The following HERC5 variants were observed in gnomAD, a reference collection of about 807,000 sequenced individuals.
The protein encoded by HERC5 is E3 ISG15--protein ligase HERC5.
HERC5 carries 99 observed loss-of-function variants against 119.6 expected under a neutral mutation model. The observed-to-expected ratio is 0.83, with a 90% CI of 0.70 to 0.98. The LOEUF (loss-of-function observed/expected upper bound fraction) is 0.98, where lower values mean the gene tolerates loss of function less well. Ranked by LOEUF, HERC5 falls within the 50% of genes least tolerant of loss-of-function variation. The probability of loss-of-function intolerance (pLI) is 0.00; values close to 1 mark genes in which losing one functional copy is unlikely to be tolerated. For synonymous variants in HERC5, 478 were observed against 445.9 expected, an observed-to-expected ratio of 1.07 and a Z score of -0.91; for missense variants, 1,267 against 1,241.3, an observed-to-expected ratio of 1.02 and a Z score of -0.31.
intron 8 of HERC5, 30 bp from the exon 9 acceptor site, chr4:88,469,127 A>G (rs767566742): frequency 2.0e-6 from 3 of 1,481,626 alleles, no homozygotes; most frequent in Non-Finnish European, 9.4e-7. Flanking sequence ...TGTCTAAATT[A>G]TTGTATTTTA....
rs201276494 is a variant in HERC5, at chr4:88,475,961, T to A, written c.1513T>A (p.Trp505Arg). ...TCCTATGATGCATATTTCCAACAAC[T>A]GGGAGAGCCTTGTGGTTCCATTTGC... is the stretch of plus-strand genomic sequence containing the variant. ...ECPMMHISNN[W>R]ESLVVPFAKV... Residue 505 changes from tryptophan to arginine, a missense_variant, in exon 12 of 23, where the codon TGG becomes AGG. Physicochemically the swap from Trp to Arg is moderately radical, Grantham distance 101 (BLOSUM62 -3). Around this residue, in one of 3 missense-constraint regions of HERC5, gnomAD observed 777 missense variants for 758.0 expected, o/e 1.03. Transcript: ENST00000264350. 7 of 1,614,060 alleles carry A rather than the reference T, an allele frequency of 4.3e-6. No homozygotes were observed. In the East Asian group the frequency reaches 6.7e-5, roughly 15 times the overall value.
chr4:88,458,856 C>T (rs547907001), intron 1 of HERC5, among the ~76,000 whole-genome samples: 2 of 152,302 alleles, frequency 1.3e-5, no homozygotes, highest in South Asian at 2.1e-4. Context: ...GTCCCCCAAA[C>T]ATAATCCTTC....
At chr4:88,491,107 CTG>C (rs540914237) in intron 16 of HERC5, among the ~76,000 whole-genome samples, 77 of 152,168 alleles carry the variant, frequency 5.1e-4, no homozygotes, top group African/African-American at 1.8e-3. Flanking sequence ...TGTGGGAAAA[CTG>C]AGGTTTTATG....
intron 3 of HERC5, among the ~76,000 whole-genome samples, chr4:88,460,388 T>G (rs1740384574): frequency 6.6e-6 from 1 of 152,224 alleles, no homozygotes; most frequent in South Asian, 2.1e-4. Context: ...AAATTTGGTT[T>G]CATGTTTTTA....
Position 88,468,536 on chromosome 4 carries a change from G to A in HERC5, c.1134+114G>A. On this transcript the variant is annotated intron_variant, in intron 8 of 22. Transcript: ENST00000264350. The stretch of plus-strand genomic sequence containing the variant: ...ATCAGTTTACCAGGCTGACTTTTTG[G>A]GGGATAGCTGGACATTACTGATCCT... The A allele has an allele frequency of 3.2e-6, 2 of 631,274 alleles. 1 individual carries two copies. The highest frequency in any genetic ancestry group is 4.2e-5 in the South Asian group (2 of 47,790). The allele number at this position is 631,274 out of a possible 1,614,324, so 39.1% of individuals were successfully genotyped here.
At chr4:88,460,459 G>C (rs1228297621) in intron 3 of HERC5, among the ~76,000 whole-genome samples, 3 of 152,204 alleles carry the variant, frequency 2.0e-5, no homozygotes, top group Non-Finnish European at 4.4e-5. Context: ...CTCTACATCT[G>C]ATCCAGGCCT....
At chr4:88,481,036 T>C (rs769632243) in intron 13 of HERC5, among the ~76,000 whole-genome samples, 2 of 152,182 alleles carry the variant, frequency 1.3e-5, no homozygotes, top group Non-Finnish European at 2.9e-5. Context: ...GTGTCTTGTT[T>C]TAAACTTCTT....
At position 88,494,213 on chromosome 4, in the gene HERC5, CT is replaced by C; in HGVS notation, c.2329del (p.Ser777ProfsTer30). 6.2e-7 allele frequency: 1 copy of C among 1,612,966 alleles called. No individual in the cohort carries two copies. Among genetic ancestry groups the C allele is most frequent in the Non-Finnish European group, 8.5e-7 (1 of 1,179,524 alleles). ...RYFFFGVLCGLSLFNCNVANL... is the reference protein window; with the variant it reads ...RYFFFGVLCGXSLFNCNVANL... Reference sequence around the variant, plus strand: ...CTTCTTTTTTGGGGTTCTATGTGGACTTTCCCTGTTCAATTGCAATGTTGCC... The same window carrying C: ...CTTCTTTTTTGGGGTTCTATGTGGACTTCCCTGTTCAATTGCAATGTTGCC... On this transcript the variant is annotated frameshift_variant, in exon 18 of 23. Transcript: ENST00000264350. LOFTEE classifies it high-confidence loss of function.
rs745902972 is a variant in HERC5, at chr4:88,463,652, G to A, written c.780+29G>A. On this transcript the variant is annotated intron_variant, in intron 5 of 22. Transcript: ENST00000264350. Reference sequence around the variant, plus strand: ...GGTGTACCCTTGTCTCTTTTTGGCTGTATTTTTAGAAGAACAGTTTGTATG... The same window carrying A: ...GGTGTACCCTTGTCTCTTTTTGGCTATATTTTTAGAAGAACAGTTTGTATG... The A allele has an allele frequency of 5.1e-6, 8 of 1,575,368 alleles. No homozygotes were observed. In the South Asian group the frequency reaches 7.8e-5, roughly 15 times the overall value.
At chr4:88,486,471 TTA>T (rs1188444234) in intron 14 of HERC5, among the ~76,000 whole-genome samples, 1 of 152,156 alleles carries the variant, frequency 6.6e-6, no homozygotes, top group African/African-American at 2.4e-5. Context: ...TATACTGTAA[TTA>T]GAGAAGGACT....
intron 20 of HERC5, among the ~76,000 whole-genome samples, chr4:88,503,385 A>G (rs1344899036): frequency 1.3e-5 from 2 of 152,160 alleles, no homozygotes; most frequent in East Asian, 3.9e-4. Context: ...TCTTGTTGCA[A>G]TATTCTAAAT....
At chr4:88,504,446 C>T in intron 21 of HERC5, 31 bp downstream of exon 21, 1 of 1,567,578 alleles carries the variant, frequency 6.4e-7, no homozygotes, top group Non-Finnish European at 8.7e-7. Flanking sequence ...TGATTAAATT[C>T]AGTTTTCCTT....
chr4:88,504,329 G>C lies in HERC5; in HGVS notation c.2680G>C (p.Glu894Gln). ...GAGAGGATTTTATAAAATGTGCGACGAAGACATTATCAAATTATTCCACCC... is the reference window on the plus strand; with the variant it reads ...GAGAGGATTTTATAAAATGTGCGACCAAGACATTATCAAATTATTCCACCC... Reference protein sequence around the residue: ...FRRGFYKMCDEDIIKLFHPEE... With the variant: ...FRRGFYKMCDQDIIKLFHPEE... The change falls in exon 21 of 23, where the codon GAA becomes CAA. Residue 894 changes from glutamate (E) to glutamine (Q), a missense_variant. Physicochemically the swap from Glu to Gln is conservative, Grantham distance 29 (BLOSUM62 2). This residue lies in a region of HERC5 where 473 missense variants were observed against 445.7 expected (regional missense o/e 1.06). Coordinates refer to ENST00000264350, the MANE Select transcript of HERC5 (RefSeq NM_016323.4). 1 of 1,613,102 alleles carries C rather than the reference G, an allele frequency of 6.2e-7. No individual in the cohort carries two copies. The highest frequency in any genetic ancestry group is 8.5e-7 in the Non-Finnish European group (1 of 1,179,204).
rs1184629709 is a variant in HERC5 at position 88,472,342 on chromosome 4, C to A, written c.1299-67C>A. 6.8e-6 allele frequency: 6 copies of A among 882,390 alleles called. No homozygotes were observed. In the East Asian group the frequency reaches 1.2e-4, roughly 18 times the overall value. The allele number at this position is 882,390 out of a possible 1,614,324, so 54.7% of individuals were successfully genotyped here. A position where few individuals can be genotyped will look rare whatever the true frequency, so the allele number is the denominator to read the frequency against. On this transcript the variant is annotated intron_variant, in intron 10 of 22. Transcript: ENST00000264350. ...GGTAATTTTGTTGAAATGGGGCAAG[C>A]TCTAGAAGAAACTTTGCATCTAGGG...
chr4:88,495,529 C>T (rs1741772388), intron 18 of HERC5, among the ~76,000 whole-genome samples: 1 of 152,070 alleles, frequency 6.6e-6, no homozygotes, highest in Non-Finnish European at 1.5e-5. Flanking sequence ...CACTGCACTC[C>T]AGCCTGGGCG....
intron 4 of HERC5, among the ~76,000 whole-genome samples, chr4:88,462,573 G>A (rs1040831145): frequency 6.6e-6 from 1 of 152,148 alleles, no homozygotes; most frequent in Non-Finnish European, 1.5e-5. Context: ...TGTGTGAGAC[G>A]GGAAAGGGCA....
intron 6 of HERC5, among the ~76,000 whole-genome samples, chr4:88,465,071 C>T (rs1484897019): frequency 2.6e-5 from 4 of 152,092 alleles, no homozygotes; most frequent in African/African-American, 9.7e-5. Context: ...CACCTGGCCA[C>T]AACCGGCTAA....
rs533028212 is a variant in HERC5 at position 88,459,449 on chromosome 4, A to G, written c.368A>G (p.Asn123Ser). The G allele has an allele frequency of 1.0e-5, 16 of 1,565,068 alleles. No individual in the cohort carries two copies. Among genetic ancestry groups the G allele is most frequent in the Middle Eastern group, 1.7e-4 (1 of 5,886 alleles). Reference protein sequence around the residue: ...SSDGKPFEYDNYSMKHLRFES... With the variant: ...SSDGKPFEYDSYSMKHLRFES... ...GATGGAAAACCATTTGAGTATGACA[A>G]CTATAGCATGAAACATCTAAGGTAG... Residue 123 changes from asparagine (N) to serine (S), a missense_variant, in exon 2 of 23, where the codon AAC becomes AGC. This residue lies in a region of HERC5 where 777 missense variants were observed against 758.0 expected (regional missense o/e 1.03). Transcript: ENST00000264350.
chr4:88,502,943 C>A (rs1466482971), intron 20 of HERC5, among the ~76,000 whole-genome samples: 2 of 151,942 alleles, frequency 1.3e-5, no homozygotes, highest in African/African-American at 4.8e-5. Context: ...TATCTTCTTA[C>A]ATACTGTGGC....
Sources: gnomAD v4.1 joint callset for allele counts (sites outside exome capture counted in the v4.1 genomes callset) on GRCh38, gnomAD v4.1.1 for gene constraint, gnomAD v4.1.1 regional missense constraint, MANE v1.5 for transcripts, NCBI Gene and HGNC (gene_info 2026-07-23, HGNC 2026-07-21) for gene names.